CASK: variants seen among roughly 807,000 people sequenced by gnomAD.
The protein encoded by CASK is calcium/calmodulin dependent serine protein kinase.
A neutral mutation model predicts 82.9 loss-of-function variants in CASK; 4 were observed. The observed-to-expected ratio is 0.05, with a 90% CI of 0.02 to 0.11. The LOEUF (loss-of-function observed/expected upper bound fraction) is 0.11, where lower values mean the gene tolerates loss of function less well. Ranked by LOEUF, CASK falls within the 10% of genes least tolerant of loss-of-function variation. CASK has a pLI of 1.00. For synonymous variants in CASK, 259 were observed against 253.5 expected, an observed-to-expected ratio of 1.02 and a Z score of -0.20; for missense variants, 358 against 720.9, an observed-to-expected ratio of 0.50 and a Z score of 5.76.
intron 7 of CASK, among the ~76,000 whole-genome samples, chrX:41,663,809 G>C (rs1273118014): frequency 2.7e-5 from 3 of 112,098 alleles, no homozygotes; most frequent in Non-Finnish European, 5.6e-5. Flanking sequence ...AGTATGCTAT[G>C]CTATGTGCTA....
chrX:41,602,026 A>ATACT (rs1165574781), intron 12 of CASK, among the ~76,000 whole-genome samples: 1 of 112,346 alleles, frequency 8.9e-6, no homozygotes, highest in East Asian at 2.8e-4. Context: ...TGCCAACACC[A>ATACT]TACTATTTTG....
At chrX:41,686,835 C>T (rs62587058) in intron 5 of CASK, among the ~76,000 whole-genome samples, 14,029 of 111,411 alleles carry the variant, frequency 0.13, 768 homozygotes, top group Middle Eastern at 0.18. Context: ...ACCAAACAAG[C>T]GTATACATTT....
chrX:41,672,362 A>G (rs185855992), intron 5 of CASK, among the ~76,000 whole-genome samples: 117 of 111,167 alleles, frequency 1.1e-3, no homozygotes, highest in African/African-American at 3.7e-3. Flanking sequence ...GGCTGGTGTC[A>G]GGAAAGAATT....
intron 5 of CASK, among the ~76,000 whole-genome samples, chrX:41,712,221 A>G (rs886998947): frequency 8.9e-6 from 1 of 112,791 alleles, no homozygotes; most frequent in Non-Finnish European, 1.9e-5. Flanking sequence ...TACTAAAGGT[A>G]AAAGTTACTG....
chrX:41,742,003 C>T (rs2068604041), intron 4 of CASK, among the ~76,000 whole-genome samples: 1 of 111,942 alleles, frequency 8.9e-6, no homozygotes, highest in Non-Finnish European at 1.9e-5. Context: ...TTCAGGGGTG[C>T]AGCATGGTAG....
intron 1 of CASK, 95 bp from the exon 2 acceptor site, chrX:41,853,322 AAT>A: frequency 1.9e-6 from 1 of 519,514 alleles, no homozygotes; most frequent in Non-Finnish European, 3.3e-6. Flanking sequence ...TAATATAGAT[AAT>A]GTTTGCCATT....
At chrX:41,554,848 T>C (rs1394177251) in intron 20 of CASK, among the ~76,000 whole-genome samples, 1 of 112,237 alleles carries the variant, frequency 8.9e-6, no homozygotes, top group Non-Finnish European at 1.9e-5. Context: ...TTTAATACCA[T>C]ATTTCAAGAT....
intron 8 of CASK, among the ~76,000 whole-genome samples, chrX:41,652,661 A>C (rs997031494): frequency 9.0e-6 from 1 of 111,564 alleles, no homozygotes; most frequent in African/African-American, 3.3e-5. Flanking sequence ...AAGCCTCCAT[A>C]GAAACCCAAA....
chrX:41,771,466 G>A (rs1283158070), intron 3 of CASK, among the ~76,000 whole-genome samples: 1 of 111,487 alleles, frequency 9.0e-6, no homozygotes, highest in African/African-American at 3.3e-5. Context: ...AGAAATAGGA[G>A]ATGATATAAA....
chrX:41,674,798 T>C (rs933159431), intron 5 of CASK, among the ~76,000 whole-genome samples: 1 of 111,728 alleles, frequency 9.0e-6, no homozygotes, highest in Non-Finnish European at 1.9e-5. Flanking sequence ...CTAATTTACA[T>C]GAAAAGCTGT....
At chrX:41,724,264 T>C (rs1304517708) in intron 5 of CASK, 1 of 112,752 alleles carries the variant, frequency 8.9e-6, no homozygotes, top group Non-Finnish European at 1.9e-5. Flanking sequence ...CAATATAACC[T>C]TAGTTGGCAT....
intron 14 of CASK, among the ~76,000 whole-genome samples, chrX:41,580,610 C>T (rs2065559767): frequency 8.9e-6 from 1 of 111,750 alleles, no homozygotes; most frequent in South Asian, 3.7e-4. Flanking sequence ...AGGTCATACT[C>T]GATATTAACC....
At chrX:41,686,938 C>A (rs1192073390) in intron 5 of CASK, among the ~76,000 whole-genome samples, 1 of 111,476 alleles carries the variant, frequency 9.0e-6, no homozygotes, top group African/African-American at 3.3e-5. Context: ...CGAAAATGAG[C>A]TAAGAACGCA....
intron 3 of CASK, among the ~76,000 whole-genome samples, chrX:41,775,577 C>T (rs768375567): frequency 5.7e-5 from 6 of 105,891 alleles, no homozygotes; most frequent in Non-Finnish European, 1.2e-4. Context: ...TATAAAGACA[C>T]ATGCACACGT....
At chrX:41,902,213 T>A (rs1200054340) in intron 1 of CASK, among the ~76,000 whole-genome samples, 1 of 112,227 alleles carries the variant, frequency 8.9e-6, no homozygotes, top group Non-Finnish European at 1.9e-5. Context: ...GGTGTATTCA[T>A]AATTTCCTAC....
chrX:41,563,356 C>CA (rs746081703), intron 16 of CASK, among the ~76,000 whole-genome samples: 626 of 14,862 alleles, frequency 0.042, 33 homozygotes, highest in African/African-American at 0.065. Flanking sequence ...GACCCTGTCT[C>CA]AAAAAAAAAA....
chrX:41,683,023 C>G lies in CASK; in HGVS notation c.430-11493G>C, dbSNP rs1301896522. On this transcript the variant is annotated intron_variant, in intron 5 of 26. Transcript: ENST00000378163. ...TTTCTTTCCAGAATAGGGCACTTTT[C>G]ATCCATATTAACAGCCTGTTCAGGC... is the stretch of plus-strand genomic sequence containing the variant. 28 of 111,681 alleles carry G rather than the reference C, an allele frequency of 2.5e-4. No individual in the cohort carries two copies. In the Admixed American group the frequency reaches 2.7e-3, roughly 11 times the overall value. 9.2% of individuals were successfully genotyped at this position (111,681 alleles called of 1,213,427 possible).
At chrX:41,530,910 T>C (rs984080464) in intron 25 of CASK, 97 bp downstream of exon 25, 14 of 761,012 alleles carry the variant, frequency 1.8e-5, no homozygotes, top group Non-Finnish European at 2.8e-5. Flanking sequence ...GAAATTATTA[T>C]GTGACCTGTG....
chrX:41,711,946 T>C (rs746730159), intron 5 of CASK, among the ~76,000 whole-genome samples: 52 of 112,666 alleles, frequency 4.6e-4, no homozygotes, highest in African/African-American at 1.7e-3. Context: ...GTATCCTCAT[T>C]CTTCGTGGAT....
Sources: allele counts gnomAD v4.1 joint callset (sites outside exome capture counted in the v4.1 genomes callset), GRCh38; gene constraint gnomAD v4.1.1; transcripts MANE v1.5; gene names NCBI Gene and HGNC (gene_info 2026-07-23, HGNC 2026-07-21).